The following MYRFL variants were observed in gnomAD, a reference collection of about 807,000 sequenced individuals.
MYRFL encodes myelin regulatory factor-like protein.
Under a neutral mutation model 109.4 loss-of-function variants are expected in MYRFL, and 88 were observed. The ratio of observed to expected loss-of-function variants is 0.80; its 90% CI spans 0.68 to 0.96. The LOEUF (loss-of-function observed/expected upper bound fraction) is 0.96, where lower values mean the gene tolerates loss of function less well. Among genes scored for constraint, MYRFL ranks in the 40% least tolerant of loss-of-function variants. The pLI, the probability that MYRFL is intolerant of heterozygous loss-of-function variation, is 0.00. For synonymous variants in MYRFL, 324 were observed against 320.9 expected (o/e 1.01, Z -0.10); for missense variants, 957 against 954.9 (o/e 1.00, Z -0.03).
At chr12:69,957,087 G>C (rs904334485) in intron 22 of MYRFL, among the ~76,000 whole-genome samples, 5 of 152,128 alleles carry the variant, frequency 3.3e-5, no homozygotes, top group Non-Finnish European at 7.4e-5. Context: ...TTGTGCAAAA[G>C]GATTGTTCCC....
At chr12:69,933,425 A>T (rs1422034418) in intron 16 of MYRFL, among the ~76,000 whole-genome samples, 1 of 152,178 alleles carries the variant, frequency 6.6e-6, no homozygotes, top group Non-Finnish European at 1.5e-5. Context: ...TGTCACTCAA[A>T]AAATGCTTTG....
At chr12:69,850,733 C>G (rs752104697) in intron 1 of MYRFL, among the ~76,000 whole-genome samples, 12 of 152,070 alleles carry the variant, frequency 7.9e-5, no homozygotes, top group Non-Finnish European at 1.5e-4. Context: ...GCCAAAATCC[C>G]CTTAGAATTT....
intron 19 of MYRFL, among the ~76,000 whole-genome samples, chr12:69,943,754 A>G (rs1199353630): frequency 7.1e-6 from 1 of 141,654 alleles, no homozygotes; most frequent in Non-Finnish European, 1.5e-5. Context: ...GCAACCTACA[A>G]AATGGGAGAA....
intron 13 of MYRFL, among the ~76,000 whole-genome samples, chr12:69,912,117 C>G (rs1954590656): frequency 6.6e-6 from 1 of 152,182 alleles, no homozygotes; most frequent in Non-Finnish European, 1.5e-5. Flanking sequence ...TCTGGGAGGC[C>G]TGCTCAGCCC....
chr12:69,934,406 G>A (rs974421587), intron 16 of MYRFL, among the ~76,000 whole-genome samples: 2 of 152,212 alleles, frequency 1.3e-5, no homozygotes, highest in African/African-American at 4.8e-5. Context: ...GGGTGTTAGG[G>A]TGCTAATTAG....
At chr12:69,880,949 C>CCGTTT (rs1379691821) in intron 5 of MYRFL, among the ~76,000 whole-genome samples, 2 of 30,222 alleles carry the variant, frequency 6.6e-5, no homozygotes, top group Non-Finnish European at 1.5e-4. Flanking sequence ...GTCAGCCTTC[C>CCGTTT]TGTTTTTTTT....
intron 2 of MYRFL, among the ~76,000 whole-genome samples, chr12:69,878,242 C>CAAAAAAAAAAAAAA (rs60069243): frequency 4.4e-5 from 5 of 112,716 alleles, no homozygotes; most frequent in African/African-American, 1.4e-4. Flanking sequence ...GACTCCATCT[C>CAAAAAAAAAAAAAA]AAAAAAAAAA....
chr12:69,896,644 C>T (rs1305120129), intron 9 of MYRFL, among the ~76,000 whole-genome samples: 1 of 152,162 alleles, frequency 6.6e-6, no homozygotes, highest in Admixed American at 6.5e-5. Flanking sequence ...GGATATATGG[C>T]CAAGAGCAGG....
At chr12:69,869,402 G>A (rs558411755) in intron 2 of MYRFL, among the ~76,000 whole-genome samples, 1 of 152,238 alleles carries the variant, frequency 6.6e-6, no homozygotes, top group East Asian at 1.9e-4. Context: ...ATGCCACTCC[G>A]GTGGGAAGAA....
At chr12:69,947,487 A>T (rs1055728973) in intron 19 of MYRFL, among the ~76,000 whole-genome samples, 3 of 152,176 alleles carry the variant, frequency 2.0e-5, no homozygotes, top group African/African-American at 7.2e-5. Flanking sequence ...GTGGAAAGTG[A>T]GTATTTTGGA....
chr12:69,948,053 A>G (rs1044614030), intron 19 of MYRFL, among the ~76,000 whole-genome samples: 5 of 152,210 alleles, frequency 3.3e-5, no homozygotes, highest in Admixed American at 1.3e-4. Context: ...CAGGGGATGT[A>G]CTATATGAAG....
chr12:69,929,438 G>T (rs1267738796), intron 15 of MYRFL, among the ~76,000 whole-genome samples: 1 of 152,212 alleles, frequency 6.6e-6, no homozygotes, highest in Non-Finnish European at 1.5e-5. Context: ...TATGAGAGTT[G>T]AGCCTTAAAG....
chr12:69,886,797 C>CT (rs1886482184), intron 5 of MYRFL, 23 bp from the exon 6 acceptor site: 4 of 1,535,138 alleles, frequency 2.6e-6, no homozygotes, highest in Non-Finnish European at 3.5e-6. Flanking sequence ...AAGGAAGGCT[C>CT]TGACGCACCT....
intron 14 of MYRFL, among the ~76,000 whole-genome samples, chr12:69,927,024 A>G (rs994523374): frequency 7.6e-6 from 1 of 131,372 alleles, no homozygotes; most frequent in Non-Finnish European, 1.5e-5. Flanking sequence ...GGCTCACTGC[A>G]GCCTCCTTCT....
chr12:69,921,596 AT>A (rs1235816587), intron 13 of MYRFL, among the ~76,000 whole-genome samples: 1 of 152,194 alleles, frequency 6.6e-6, no homozygotes, highest in Non-Finnish European at 1.5e-5. Flanking sequence ...TGTATTAGAA[AT>A]TTACTTTTTG....
At chr12:69,956,630 C>T (rs1417727868) in intron 22 of MYRFL, among the ~76,000 whole-genome samples, 2 of 151,662 alleles carry the variant, frequency 1.3e-5, no homozygotes, top group Non-Finnish European at 2.9e-5. Context: ...TTGCCCAGCT[C>T]TGTTTTCCTC....
chr12:69,958,377 A>T lies in MYRFL; in HGVS notation c.2646+54A>T, dbSNP rs1956141516. On this transcript the variant is annotated intron_variant, in intron 24 of 24. Transcript: ENST00000552032. ...GTGAGAAAGAAATTGAGCAATAAAA[A>T]AAAATCACTTTAACCACAGTTAATT... 5.3e-6 allele frequency: 8 copies of T among 1,520,704 alleles called. No individual in the cohort carries two copies. The Admixed American group carries it at 8.3e-5, about 16-fold the overall frequency. 94.2% of individuals were successfully genotyped at this position (1,520,704 alleles called of 1,614,324 possible).
chr12:69,845,947 C>T (rs1170156173), intron 1 of MYRFL, among the ~76,000 whole-genome samples: 4 of 151,974 alleles, frequency 2.6e-5, no homozygotes, highest in African/African-American at 7.3e-5. Context: ...CTCTTGACAC[C>T]CTTCTAAATG....
At chr12:69,926,840 A>G (rs1362782457) in intron 14 of MYRFL, 106 bp downstream of exon 14, 2 of 1,018,280 alleles carry the variant, frequency 2.0e-6, no homozygotes, top group Non-Finnish European at 2.5e-6. Context: ...AGCAACCGCT[A>G]CTTTCTGATA....
Sources: gnomAD v4.1 joint callset for allele counts (sites outside exome capture counted in the v4.1 genomes callset) on GRCh38, gnomAD v4.1.1 for gene constraint, MANE v1.5 for transcripts, NCBI Gene and HGNC (gene_info 2026-07-23, HGNC 2026-07-21) for gene names.